The following MAN2A1 variants were observed in gnomAD, a reference collection of about 807,000 sequenced individuals.
MAN2A1 encodes alpha-mannosidase 2.
Under a neutral mutation model 142.6 loss-of-function variants are expected in MAN2A1, and 76 were observed. The observed-to-expected ratio is 0.53, with a 90% CI of 0.44 to 0.65. The LOEUF is 0.65. Ranked by LOEUF, MAN2A1 falls within the 30% of genes least tolerant of loss-of-function variation. The probability of loss-of-function intolerance (pLI) is 0.00; values close to 1 mark genes in which losing one functional copy is unlikely to be tolerated. For synonymous variants in MAN2A1, 559 were observed against 473.2 expected, an observed-to-expected ratio of 1.18 and a Z score of -2.35; for missense variants, 1,311 against 1,365.1, an observed-to-expected ratio of 0.96 and a Z score of 0.62.
At chr5:109,753,759 G>A (rs2112624988) in intron 4 of MAN2A1, among the ~76,000 whole-genome samples, 1 of 152,264 alleles carries the variant, frequency 6.6e-6, no homozygotes. Context: ...AGAGTTGGCT[G>A]TTAGCTGTAG....
At chr5:109,718,483 G>A (rs868211111) in intron 3 of MAN2A1, among the ~76,000 whole-genome samples, 4 of 152,160 alleles carry the variant, frequency 2.6e-5, no homozygotes, top group Admixed American at 6.5e-5. Context: ...TAGCTAACAA[G>A]GGGCACCAGA....
intron 1 of MAN2A1, among the ~76,000 whole-genome samples, chr5:109,704,347 T>G (rs1161084749): frequency 6.6e-6 from 1 of 152,246 alleles, no homozygotes. Context: ...TAGCTACGTA[T>G]TTTTTGTGCT....
chr5:109,708,707 T>A lies in MAN2A1; in HGVS notation c.136-4813T>A, dbSNP rs137884990. 7.2e-3 allele frequency among the ~76,000 whole-genome samples: 1,092 copies of A among 152,184 alleles called. 19 individuals are homozygous for A. Among genetic ancestry groups the A allele is most frequent in the African/African-American group, 0.025 (1,025 of 41,516 alleles). On this transcript the variant is annotated intron_variant, in intron 1 of 21. Transcript: ENST00000261483. ...GAACCAGAGAAGCCAATAGTGGAGCTCAGTCCAAGGTGGAAGGTGCAAGAG... is the reference window on the plus strand; with the variant it reads ...GAACCAGAGAAGCCAATAGTGGAGCACAGTCCAAGGTGGAAGGTGCAAGAG...
intron 2 of MAN2A1, among the ~76,000 whole-genome samples, chr5:109,714,203 T>G (rs1195858248): frequency 6.6e-6 from 1 of 151,798 alleles, no homozygotes; most frequent in African/African-American, 2.4e-5. Context: ...TTAATATCCT[T>G]TTGCAAGAGG....
chr5:109,784,869 A>T lies in MAN2A1; in HGVS notation c.1703A>T (p.His568Leu). The T allele has an allele frequency of 3.7e-6, 6 of 1,612,646 alleles. No homozygotes were observed. The highest frequency in any genetic ancestry group is 5.1e-6 in the Non-Finnish European group (6 of 1,179,318). Residue 568 changes from histidine (H) to leucine (L), a missense_variant, in exon 10 of 22, where the codon CAT (histidine) becomes CTT (leucine). Physicochemically the swap from His to Leu is moderately conservative, Grantham distance 99. This residue lies in a region of MAN2A1 where 890 missense variants were observed against 920.5 expected (regional missense o/e 0.97). Transcript: ENST00000261483. Reference sequence around the variant, plus strand: ...AGAAGGAATTTGGGACTGTTTCAACATCATGATGCTATCACAGGAACTGCA... The same window carrying T: ...AGAAGGAATTTGGGACTGTTTCAACTTCATGATGCTATCACAGGAACTGCA... ...EARRNLGLFQ[H>L]HDAITGTAKD...
At chr5:109,832,832 G>C (rs910975633) in intron 16 of MAN2A1, among the ~76,000 whole-genome samples, 36 of 151,934 alleles carry the variant, frequency 2.4e-4, no homozygotes, top group African/African-American at 8.7e-4. Context: ...CCACCTCCTG[G>C]AGGGGGCGGC....
chr5:109,810,425 A>G (rs1754285338), intron 12 of MAN2A1, among the ~76,000 whole-genome samples: 1 of 152,142 alleles, frequency 6.6e-6, no homozygotes, highest in Non-Finnish European at 1.5e-5. Flanking sequence ...GCCTGCTTAT[A>G]TTCTGTAGGC....
At chr5:109,799,235 C>CT (rs1472592961) in intron 12 of MAN2A1, among the ~76,000 whole-genome samples, 1 of 152,156 alleles carries the variant, frequency 6.6e-6, no homozygotes, top group Non-Finnish European at 1.5e-5. Context: ...CAAAACCCTT[C>CT]TTTTTTCCAT....
chr5:109,750,795 A>G (rs934193980), intron 4 of MAN2A1, among the ~76,000 whole-genome samples: 6 of 152,134 alleles, frequency 3.9e-5, no homozygotes, highest in Non-Finnish European at 5.9e-5. Flanking sequence ...AAGAAAAAAT[A>G]TAACTCATTC....
chr5:109,741,037 A>G (rs1324883648), intron 4 of MAN2A1, among the ~76,000 whole-genome samples: 1 of 152,198 alleles, frequency 6.6e-6, no homozygotes, highest in Non-Finnish European at 1.5e-5. Context: ...ATGGTAAGAT[A>G]TTGGAGGGGA....
At chr5:109,822,355 G>C (rs1272054006) in intron 15 of MAN2A1, among the ~76,000 whole-genome samples, 4 of 151,966 alleles carry the variant, frequency 2.6e-5, no homozygotes, top group African/African-American at 9.7e-5. Context: ...TTGTGCTATA[G>C]AATTTCATGC....
intron 3 of MAN2A1, among the ~76,000 whole-genome samples, chr5:109,722,788 T>C (rs911921153): frequency 3.3e-5 from 5 of 152,216 alleles, no homozygotes; most frequent in African/African-American, 1.2e-4. Flanking sequence ...TAAAGCTAAG[T>C]AGCCCCCTCG....
intron 12 of MAN2A1, among the ~76,000 whole-genome samples, chr5:109,801,022 T>TTAC (rs1754014428): frequency 6.6e-6 from 1 of 152,242 alleles, no homozygotes; most frequent in Non-Finnish European, 1.5e-5. Context: ...CTTTCCTTTG[T>TTAC]TACCCAATAT....
At chr5:109,774,435 A>G (rs1185732400) in intron 7 of MAN2A1, among the ~76,000 whole-genome samples, 19 of 152,192 alleles carry the variant, frequency 1.2e-4, no homozygotes, top group African/African-American at 4.6e-4. Flanking sequence ...CACCTGGGCT[A>G]TCTGGTATTC....
intron 19 of MAN2A1, chr5:109,853,920 T>A (rs1002514606): frequency 2.7e-4 from 39 of 145,600 alleles, no homozygotes; most frequent in African/African-American, 9.3e-4. Context: ...TGTCTTAAAA[T>A]TTTTTTTTTC....
chr5:109,767,470 G>T lies in MAN2A1; in HGVS notation c.836-65G>T, dbSNP rs552420676. 85 of 1,357,232 alleles carry T rather than the reference G, an allele frequency of 6.3e-5. 1 individual carries two copies. In the South Asian group the frequency reaches 9.9e-4, roughly 16 times the overall value. The allele number at this position is 1,357,232 out of a possible 1,614,324, so 84.1% of individuals were successfully genotyped here. On this transcript the variant is annotated intron_variant, in intron 5 of 21. Coordinates refer to ENST00000261483, the MANE Select transcript of MAN2A1 (RefSeq NM_002372.4). ...ATACAATGACAATGAGTCTGAATGT[G>T]TTGTGACTTCTTTTTATTTCATATA...
chr5:109,784,922 A>G lies in MAN2A1; in HGVS notation c.1756A>G (p.Thr586Ala). The part of the protein sequence containing the change: ...AKDWVVVDYG[T>A]RLFHSLMVLE... ...AGACTGGGTGGTTGTGGATTATGGT[A>G]CCAGGTAATCTAATTATAGAAAAAT... The change falls in exon 10 of 22, where the codon ACC becomes GCC. Residue 586 changes from threonine to alanine, a missense_variant. Physicochemically the swap from Thr to Ala is moderately conservative, Grantham distance 58. Around this residue, in one of 3 missense-constraint regions of MAN2A1, gnomAD observed 890 missense variants for 920.5 expected, o/e 0.97. Coordinates refer to ENST00000261483, the MANE Select transcript of MAN2A1 (RefSeq NM_002372.4). 1 of 1,577,612 alleles carries G rather than the reference A, an allele frequency of 6.3e-7. No homozygotes were observed. The highest frequency in any genetic ancestry group is 8.6e-7 in the Non-Finnish European group (1 of 1,167,012).
rs943669506 is a variant in MAN2A1, at chr5:109,819,595, C to T, written c.2110-74C>T. The T allele has an allele frequency of 7.9e-6, 7 of 889,618 alleles. No homozygotes were observed. In the Admixed American group the frequency reaches 2.2e-4, roughly 28 times the overall value. The allele number at this position is 889,618 out of a possible 1,614,324, so 55.1% of individuals were successfully genotyped here. Reference sequence around the variant, plus strand: ...AAAATATGATAGTTTGTTGGTTTTACCAAAAATATAAATGGTTTGCCTCTC... The same window carrying T: ...AAAATATGATAGTTTGTTGGTTTTATCAAAAATATAAATGGTTTGCCTCTC... On this transcript the variant is annotated intron_variant, in intron 13 of 21. Coordinates refer to ENST00000261483, the MANE Select transcript of MAN2A1 (RefSeq NM_002372.4).
chr5:109,788,816 G>A (rs1469591506), intron 10 of MAN2A1, 118 bp from the exon 11 acceptor site: 1 of 602,134 alleles, frequency 1.7e-6, no homozygotes, highest in African/African-American at 1.9e-5. Flanking sequence ...TTCATTATAG[G>A]TTTCACTTTG....
Sources: gnomAD v4.1 joint callset for allele counts (sites outside exome capture counted in the v4.1 genomes callset) on GRCh38, gnomAD v4.1.1 for gene constraint, gnomAD v4.1.1 regional missense constraint, MANE v1.5 for transcripts, NCBI Gene and HGNC (gene_info 2026-07-23, HGNC 2026-07-21) for gene names.